The following ZBTB20 variants were observed in gnomAD, a reference collection of about 807,000 sequenced individuals.
ZBTB20 encodes the protein zinc finger and BTB domain containing 20, also known as zinc finger and BTB domain-containing protein 20.
ZBTB20 carries 9 observed loss-of-function variants against 56.9 expected under a neutral mutation model. The ratio of observed to expected loss-of-function variants is 0.16; its 90% CI spans 0.10 to 0.28. The LOEUF is 0.28. ZBTB20 is among the 10% of genes least tolerant of loss of function. The pLI is 1.00. For synonymous variants in ZBTB20, 417 were observed against 420.7 expected (o/e 0.99, Z 0.11); for missense variants, 655 against 1,003.0 (o/e 0.65, Z 4.69).
intron 4 of ZBTB20, among the ~76,000 whole-genome samples, chr3:114,820,642 C>G (rs921086577): frequency 6.6e-6 from 1 of 152,048 alleles, no homozygotes; most frequent in African/African-American, 2.4e-5. Flanking sequence ...AAATCAGATA[C>G]CGATAAAAAT....
intron 6 of ZBTB20, chr3:114,687,887 C>A (rs2062441252): frequency 6.6e-6 from 1 of 152,078 alleles, no homozygotes; most frequent in Non-Finnish European, 1.5e-5. Context: ...GTTTCTGTTT[C>A]TCCTTTGGCT....
chr3:114,930,440 A>G (rs954526222), intron 3 of ZBTB20: 1 of 152,530 alleles, frequency 6.6e-6, no homozygotes, highest in African/African-American at 2.4e-5. Flanking sequence ...AGGAGCGGCG[A>G]GCGGAACCCA....
At chr3:114,622,051 C>G (rs2058359360) in intron 6 of ZBTB20, among the ~76,000 whole-genome samples, 1 of 152,162 alleles carries the variant, frequency 6.6e-6, no homozygotes, top group South Asian at 2.1e-4. Context: ...CACCTATTCT[C>G]TTCTTAAAGT....
chr3:114,410,833 G>C (rs185263507), intron 7 of ZBTB20, among the ~76,000 whole-genome samples: 2 of 152,250 alleles, frequency 1.3e-5, no homozygotes, highest in South Asian at 4.1e-4. Flanking sequence ...GAGAGGAAGG[G>C]CTCCATTTTG....
At chr3:114,871,020 G>C (rs607183) in intron 4 of ZBTB20, among the ~76,000 whole-genome samples, 13,374 of 150,630 alleles carry the variant, frequency 0.089, 1,704 homozygotes, top group African/African-American at 0.28. Flanking sequence ...CACCTAGCTG[G>C]CATGAAGAGA....
intron 3 of ZBTB20, among the ~76,000 whole-genome samples, chr3:114,971,011 T>TA (rs2077859383): frequency 5.1e-5 from 7 of 136,464 alleles, no homozygotes; most frequent in Non-Finnish European, 7.5e-5. Context: ...CGAGACTCCG[T>TA]CAAAAAAAAA....
At chr3:114,967,749 G>A (rs1020403913) in intron 3 of ZBTB20, among the ~76,000 whole-genome samples, 1 of 152,084 alleles carries the variant, frequency 6.6e-6, no homozygotes, top group Non-Finnish European at 1.5e-5. Context: ...CCGAGGTCAG[G>A]AGTTCAAGAC....
At chr3:114,382,935 C>T (rs2084564046) in intron 8 of ZBTB20, among the ~76,000 whole-genome samples, 1 of 152,172 alleles carries the variant, frequency 6.6e-6, no homozygotes, top group African/African-American at 2.4e-5. Flanking sequence ...TTCCTTCCCT[C>T]CCAGAGTTTA....
intron 5 of ZBTB20, among the ~76,000 whole-genome samples, chr3:114,746,858 A>C (rs1408659797): frequency 6.6e-6 from 1 of 152,212 alleles, no homozygotes; most frequent in Non-Finnish European, 1.5e-5. Flanking sequence ...AAAAGAAAGA[A>C]GTCAGAAGTC....
In ZBTB20 at chr3:114,834,437, G is replaced by A. The variant is rs575682322; in HGVS notation, c.-416-33263C>T. 2.6e-5 allele frequency among the ~76,000 whole-genome samples: 4 copies of A among 152,086 alleles called. No individual in the cohort carries two copies. The South Asian group carries it at 8.3e-4, about 32-fold the overall frequency. On this transcript the variant is annotated intron_variant, in intron 4 of 11. Transcript: ENST00000675478. Reference sequence around the variant, plus strand: ...TATCAGACAATAATAAACTTCTTCTGGTAAGTTCGTCTCTTAGTCTTAGAT... The same window carrying A: ...TATCAGACAATAATAAACTTCTTCTAGTAAGTTCGTCTCTTAGTCTTAGAT...
At chr3:114,960,387 G>C (rs2077404309) in intron 3 of ZBTB20, among the ~76,000 whole-genome samples, 1 of 152,216 alleles carries the variant, frequency 6.6e-6, no homozygotes. Flanking sequence ...TTTTCAAATA[G>C]TAAAATATCA....
At chr3:115,026,738 A>G (rs1022163224) in intron 2 of ZBTB20, among the ~76,000 whole-genome samples, 9 of 150,808 alleles carry the variant, frequency 6.0e-5, no homozygotes, top group Non-Finnish European at 1.2e-4. Context: ...GCCTCTTTTT[A>G]CCAACAATTC....
intron 3 of ZBTB20, among the ~76,000 whole-genome samples, chr3:114,927,887 T>C (rs2076214578): frequency 6.6e-6 from 1 of 152,210 alleles, no homozygotes; most frequent in Non-Finnish European, 1.5e-5. Context: ...AGTAAGAATA[T>C]AATCTCTGTA....
Position 114,690,720 on chromosome 3 carries a change from A to G in ZBTB20, c.-295+2808T>C, listed in dbSNP as rs532775509. Among the ~76,000 whole-genome samples, 12 of 152,254 alleles carry G rather than the reference A, an allele frequency of 7.9e-5. No homozygotes were observed. In the South Asian group the frequency reaches 2.5e-3, roughly 32 times the overall value. On this transcript the variant is annotated intron_variant, in intron 6 of 11. Coordinates refer to ENST00000675478, the MANE Select transcript of ZBTB20 (RefSeq NM_001348800.3). ...TTTATTATATAATTCCCCCTTTTAC[A>G]TATTTCTAAATGCCTCACATACCCA...
At chr3:114,414,566 G>A (rs1385895940) in intron 7 of ZBTB20, among the ~76,000 whole-genome samples, 2 of 152,000 alleles carry the variant, frequency 1.3e-5, no homozygotes, top group African/African-American at 4.8e-5. Flanking sequence ...TAGGAGCTCT[G>A]TGTCCCTCAT....
intron 1 of ZBTB20, among the ~76,000 whole-genome samples, chr3:115,084,945 A>G (rs565278286): frequency 3.2e-4 from 48 of 151,956 alleles, no homozygotes; most frequent in Admixed American, 1.3e-3. Flanking sequence ...ATAAGCTGAG[A>G]CTTACTTAAC....
chr3:114,421,989 A>T (rs905975169), intron 7 of ZBTB20, among the ~76,000 whole-genome samples: 1 of 152,064 alleles, frequency 6.6e-6, no homozygotes, highest in Admixed American at 6.6e-5. Flanking sequence ...ATCTGCTACA[A>T]GGCATGAAAC....
At chr3:114,840,296 A>G (rs1334649814) in intron 4 of ZBTB20, among the ~76,000 whole-genome samples, 2 of 152,230 alleles carry the variant, frequency 1.3e-5, no homozygotes, top group Admixed American at 1.3e-4. Context: ...CAACATGTCT[A>G]CAGACGTTAA....
chr3:114,719,775 A>G (rs1344691560), intron 5 of ZBTB20, among the ~76,000 whole-genome samples: 1 of 152,146 alleles, frequency 6.6e-6, no homozygotes, highest in Non-Finnish European at 1.5e-5. Flanking sequence ...AATTCGCACA[A>G]TCTTGATATC....
Sources: allele counts gnomAD v4.1 joint callset (sites outside exome capture counted in the v4.1 genomes callset), GRCh38; gene constraint gnomAD v4.1.1; transcripts MANE v1.5; gene names NCBI Gene and HGNC (gene_info 2026-07-23, HGNC 2026-07-21).